PRR16: variants seen among roughly 807,000 people sequenced by gnomAD.
The protein encoded by PRR16 is proline rich 16.
In PRR16, 6 loss-of-function variants were observed where a neutral mutation model predicts 18.2. The observed-to-expected ratio is 0.33, with a 90% CI of 0.18 to 0.65. PRR16 has a LOEUF of 0.65. PRR16 is among the 30% of genes least tolerant of loss of function. PRR16 has a pLI of 0.74. For synonymous variants in PRR16, 151 were observed against 147.8 expected, an observed-to-expected ratio of 1.02 and a Z score of -0.16; for missense variants, 412 against 376.6, an observed-to-expected ratio of 1.09 and a Z score of -0.78.
chr5:120,782,997 A>AACTT, the PRR16 span, among the ~76,000 whole-genome samples: 1 of 152,166 alleles, frequency 6.6e-6, no homozygotes, highest in Non-Finnish European at 1.5e-5. Context: ...ATATAAGAAG[A>AACTT]ACTTACTCAA....
intron 1 of PRR16, among the ~76,000 whole-genome samples, chr5:120,494,005 A>G (rs892208099): frequency 6.6e-6 from 1 of 152,166 alleles, no homozygotes; most frequent in Non-Finnish European, 1.5e-5. Context: ...ATTTATGTAA[A>G]TTTGTTGTGT....
chr5:120,512,734 G>A (rs956777065), intron 1 of PRR16, among the ~76,000 whole-genome samples: 12 of 152,186 alleles, frequency 7.9e-5, no homozygotes, highest in African/African-American at 2.9e-4. Context: ...TGGTAGGGAG[G>A]TTCAGGTTTT....
chr5:120,604,818 C>T (rs1382890544), intron 1 of PRR16, among the ~76,000 whole-genome samples: 1 of 152,078 alleles, frequency 6.6e-6, no homozygotes, highest in Admixed American at 6.5e-5. Flanking sequence ...ATATGAAATT[C>T]TTTGTTGGAA....
At chr5:120,789,532 C>T in the PRR16 span, among the ~76,000 whole-genome samples, 1 of 152,048 alleles carries the variant, frequency 6.6e-6, no homozygotes, top group African/African-American at 2.4e-5. Context: ...ATAAAAATTA[C>T]ATCATTCTTA....
chr5:120,700,727 T>C, the PRR16 span, among the ~76,000 whole-genome samples: 1,197 of 152,094 alleles, frequency 7.9e-3, 24 homozygotes, highest in African/African-American at 0.025. Flanking sequence ...AAGAAAGTAA[T>C]GTGGAGTGGG....
intron 1 of PRR16, among the ~76,000 whole-genome samples, chr5:120,669,119 A>T (rs145902737): frequency 1.4e-3 from 208 of 152,256 alleles, no homozygotes; most frequent in Non-Finnish European, 1.9e-3. Flanking sequence ...CTTTTAAGCA[A>T]ACAGTCTCAA....
intron 1 of PRR16, among the ~76,000 whole-genome samples, chr5:120,677,963 G>T (rs1360119216): frequency 6.5e-4 from 87 of 134,410 alleles, no homozygotes; most frequent in African/African-American, 2.4e-3. Context: ...AGGCTGGAGT[G>T]CAGTGGCGCG....
intron 1 of PRR16, among the ~76,000 whole-genome samples, chr5:120,467,099 G>A (rs1469181065): frequency 6.6e-6 from 1 of 152,168 alleles, no homozygotes; most frequent in African/African-American, 2.4e-5. Context: ...GAGTGAACAT[G>A]TCTTTGGTAT....
chr5:120,731,717 C>G, the PRR16 span, among the ~76,000 whole-genome samples: 1 of 152,164 alleles, frequency 6.6e-6, no homozygotes, highest in Non-Finnish European at 1.5e-5. Context: ...GTTGTATCCA[C>G]TCTTAATTTT....
intron 1 of PRR16, among the ~76,000 whole-genome samples, chr5:120,516,484 GACAC>G (rs149936115): frequency 5.9e-4 from 80 of 136,450 alleles, no homozygotes; most frequent in African/African-American, 1.2e-3. Context: ...AGGAGGGAAG[GACAC>G]ACACACACAC....
the PRR16 span, among the ~76,000 whole-genome samples, chr5:120,717,635 C>T: frequency 6.6e-6 from 1 of 152,048 alleles, no homozygotes; most frequent in Non-Finnish European, 1.5e-5. Context: ...AAGATGATGG[C>T]ATTTGACTTT....
chr5:120,650,747 T>A (rs1300450231), intron 1 of PRR16, among the ~76,000 whole-genome samples: 2 of 152,138 alleles, frequency 1.3e-5, no homozygotes, highest in African/African-American at 4.8e-5. Flanking sequence ...TTTGGGTTGG[T>A]TCCAAGTCTT....
intron 1 of PRR16, among the ~76,000 whole-genome samples, chr5:120,635,832 G>A (rs969157912): frequency 9.9e-5 from 15 of 152,050 alleles, no homozygotes; most frequent in Admixed American, 8.5e-4. Flanking sequence ...TCAAACTGGT[G>A]CTGTTTGCTG....
chr5:120,682,793 G>T (rs1757010849), intron 1 of PRR16, among the ~76,000 whole-genome samples: 1 of 152,150 alleles, frequency 6.6e-6, no homozygotes, highest in Admixed American at 6.5e-5. Flanking sequence ...TAGAATAACT[G>T]AATAAGTTTT....
the PRR16 span, among the ~76,000 whole-genome samples, chr5:120,769,372 A>G: frequency 6.7e-6 from 1 of 148,920 alleles, no homozygotes; most frequent in Non-Finnish European, 1.5e-5. Context: ...GACACACAAC[A>G]TGAGATCTAC....
At chr5:120,476,396 C>A (rs1749443931) in intron 1 of PRR16, among the ~76,000 whole-genome samples, 1 of 152,132 alleles carries the variant, frequency 6.6e-6, no homozygotes, top group African/African-American at 2.4e-5. Context: ...ATAATCATTA[C>A]CCCACTATCT....
chr5:120,751,571 A>G, the PRR16 span, among the ~76,000 whole-genome samples: 1 of 152,038 alleles, frequency 6.6e-6, no homozygotes, highest in Non-Finnish European at 1.5e-5. Flanking sequence ...TTTACAGTTT[A>G]AATTCCTTTT....
In PRR16 at chr5:120,653,493, T is replaced by C. The variant is rs1755862681; in HGVS notation, c.160-32461T>C. On this transcript the variant is annotated intron_variant, in intron 1 of 1. Transcript: ENST00000407149. The stretch of plus-strand genomic sequence containing the variant: ...TTGCATTATTTAAATTTTTACCATG[T>C]CTGTTTTTAAAAAAATCACAATACA... Among the ~76,000 whole-genome samples, 10 of 152,076 alleles carry C rather than the reference T, an allele frequency of 6.6e-5. No individual in the cohort carries two copies. In the South Asian group the frequency reaches 1.9e-3, roughly 28 times the overall value.
chr5:120,780,233 A>G, the PRR16 span, among the ~76,000 whole-genome samples: 4 of 152,176 alleles, frequency 2.6e-5, no homozygotes, highest in Admixed American at 1.3e-4. Context: ...AGCATTTGCT[A>G]ATTAACCAAT....
Sources: gnomAD v4.1 joint callset for allele counts (sites outside exome capture counted in the v4.1 genomes callset) on GRCh38, gnomAD v4.1.1 for gene constraint, MANE v1.5 for transcripts, NCBI Gene and HGNC (gene_info 2026-07-23, HGNC 2026-07-21) for gene names.